The following LIMK2 variants were observed in gnomAD, a reference collection of about 807,000 sequenced individuals.
The protein encoded by LIMK2 is LIM domain kinase 2.
LIMK2 carries 35 observed loss-of-function variants against 75.7 expected under a neutral mutation model. That is an observed-to-expected ratio of 0.46 (90% CI 0.35 to 0.61). LIMK2 has a LOEUF of 0.61. Ranked by LOEUF, LIMK2 falls within the 20% of genes least tolerant of loss-of-function variation. The probability of loss-of-function intolerance (pLI) is 0.00; values close to 1 mark genes in which losing one functional copy is unlikely to be tolerated. For synonymous variants in LIMK2, 301 were observed against 319.2 expected (o/e 0.94, Z 0.61); for missense variants, 623 against 831.0 (o/e 0.75, Z 3.08).
chr22:31,261,375 G>A (rs1378483837), intron 5 of LIMK2, among the ~76,000 whole-genome samples: 1 of 152,076 alleles, frequency 6.6e-6, no homozygotes, highest in Non-Finnish European at 1.5e-5. Flanking sequence ...ATGAAACCCC[G>A]TCTCTACTAA....
chr22:31,246,183 GCACACACACACACACACA>G (rs57524309), intron 2 of LIMK2, among the ~76,000 whole-genome samples: 1 of 134,994 alleles, frequency 7.4e-6, no homozygotes, highest in Non-Finnish European at 1.6e-5. Context: ...ACGCACGCAC[GCACACACACACACACACA>G]CACACACACA....
At chr22:31,241,972 G>A (rs770843728) in intron 2 of LIMK2, among the ~76,000 whole-genome samples, 3 of 152,180 alleles carry the variant, frequency 2.0e-5, no homozygotes, top group Non-Finnish European at 4.4e-5. Flanking sequence ...AGTTTTCTGA[G>A]CTCAAATCCC....
At chr22:31,263,676 C>CA (rs34111805) in intron 7 of LIMK2, among the ~76,000 whole-genome samples, 18,041 of 144,082 alleles carry the variant, frequency 0.13, 1,502 homozygotes, top group East Asian at 0.38. Flanking sequence ...ACTGTCTCTA[C>CA]AAAAAAAAAA....
rs1307014890 is a variant in LIMK2, at chr22:31,267,071, G to T, written c.1128+1G>T. The T allele has an allele frequency of 1.9e-6, 3 of 1,587,428 alleles. No individual in the cohort carries two copies. The highest frequency in any genetic ancestry group is 2.6e-6 in the Non-Finnish European group (3 of 1,159,612). On this transcript the variant is annotated splice_donor_variant, in intron 9 of 15. Transcript: ENST00000331728. LOFTEE classifies it high-confidence loss of function. ...GACCCAGAAAACTTTTCTGACTGAGGTAAGAAGATGGAGGGGGCCCGGGAG... is the reference window on the plus strand; with the variant it reads ...GACCCAGAAAACTTTTCTGACTGAGTTAAGAAGATGGAGGGGGCCCGGGAG...
chr22:31,259,535 A>G (rs1325287165), intron 4 of LIMK2, among the ~76,000 whole-genome samples: 2 of 152,106 alleles, frequency 1.3e-5, no homozygotes, highest in Admixed American at 6.5e-5. Flanking sequence ...ACCCTGTCCA[A>G]CCACCTTGGT....
chr22:31,259,147 A>G lies in LIMK2; in HGVS notation c.279A>G (p.Pro93=), dbSNP rs1422776742. 6.2e-7 allele frequency: 1 copy of G among 1,613,538 alleles called. No homozygotes were observed. The highest frequency in any genetic ancestry group is 8.5e-7 in the Non-Finnish European group (1 of 1,179,572). The change falls in exon 4 of 16, where the codon CCA becomes CCG. Residue 93 remains proline (P), a synonymous_variant. Transcript: ENST00000331728. ...TGGCTGGGGAGTTCAAGTACCACCC[A>G]GAGTGCTTTGCCTGTATGAGCTGCA... The part of the protein sequence containing the change: ...FMVAGEFKYH[P]ECFACMSCKV...
intron 15 of LIMK2, among the ~76,000 whole-genome samples, chr22:31,278,003 C>T (rs116405031): frequency 1.3e-5 from 2 of 152,142 alleles, no homozygotes; most frequent in African/African-American, 2.4e-5. Flanking sequence ...CTGGTGTTTC[C>T]GATTCCACCT....
At chr22:31,272,955 TAA>T in intron 13 of LIMK2, 5 of 1,257,632 alleles carry the variant, frequency 4.0e-6, no homozygotes, top group Non-Finnish European at 5.0e-6. Context: ...CAGGGATCGC[TAA>T]GAGCTCAGGC....
rs375767669 is a variant in LIMK2 at position 31,262,425 on chromosome 22, G to A, written c.658-170G>A. On this transcript the variant is annotated intron_variant, in intron 6 of 15. Coordinates refer to ENST00000331728, the MANE Select transcript of LIMK2 (RefSeq NM_005569.4). The surrounding 1 kb of genome is among the most constrained non-coding windows in gnomAD (Gnocchi z 5.0). Reference sequence around the variant, plus strand: ...AGGGTAGCAGGGATGGTTGATGGACGGGAGAGCTGACAGGATGCCAGGCAG... The same window carrying A: ...AGGGTAGCAGGGATGGTTGATGGACAGGAGAGCTGACAGGATGCCAGGCAG... Among the ~76,000 whole-genome samples, 1 of 152,276 alleles carries A rather than the reference G, an allele frequency of 6.6e-6. No individual in the cohort carries two copies. Among genetic ancestry groups the A allele is most frequent in the East Asian group, 1.9e-4 (1 of 5,170 alleles).
In LIMK2 at chr22:31,275,156, T is replaced by C. The variant is rs1313152769; in HGVS notation, c.1620T>C (p.Ile540=). ...GCTGTCTTCTTACCCTACAGATCAT[T>C]GGGCAGGTGTATGCAGATCCTGACT... ...FSFGIVLCEI[I]GQVYADPDCL... The change falls in exon 15 of 16, where the codon ATT becomes ATC. Residue 540 remains isoleucine, a synonymous_variant. Transcript: ENST00000331728. 1 of 1,614,206 alleles carries C rather than the reference T, an allele frequency of 6.2e-7. No homozygotes were observed. The highest frequency in any genetic ancestry group is 8.5e-7 in the Non-Finnish European group (1 of 1,180,026).
intron 1 of LIMK2, among the ~76,000 whole-genome samples, chr22:31,212,965 T>C (rs2048360278): frequency 6.6e-6 from 1 of 151,522 alleles, no homozygotes; most frequent in Non-Finnish European, 1.5e-5. Flanking sequence ...TGTCTGGGAG[T>C]CCCCCGGGGC....
rs563656086 is a variant in LIMK2, at chr22:31,248,474, C to T, written c.117-9817C>T. ...TCGGAGTCCAGAGGGGCCGCCTGAG[C>T]TTCTGAGAACTAGGGAGGAGCCATC... On this transcript the variant is annotated intron_variant, in intron 2 of 15. Coordinates refer to ENST00000331728, the MANE Select transcript of LIMK2 (RefSeq NM_005569.4). 5.8e-4 allele frequency: 875 copies of T among 1,510,566 alleles called. 2 individuals carry two copies. The highest frequency in any genetic ancestry group is 7.3e-4 in the Non-Finnish European group (827 of 1,131,562). 93.6% of individuals were successfully genotyped at this position (1,510,566 alleles called of 1,614,324 possible).
Position 31,260,093 on chromosome 22 carries a change from A to C in LIMK2, c.551+16A>C. 2 of 1,539,346 alleles carry C rather than the reference A, an allele frequency of 1.3e-6. No homozygotes were observed. The highest frequency in any genetic ancestry group is 1.7e-6 in the Non-Finnish European group (2 of 1,145,384). On this transcript the variant is annotated intron_variant, in intron 5 of 15. Transcript: ENST00000331728. ...AAGTGAAAGAGTAAGTATTTTGAGA[A>C]CCCTTCAGCAGGGGTTCTTGAGCAG...
At chr22:31,265,427 A>C (rs1336442964) in intron 7 of LIMK2, among the ~76,000 whole-genome samples, 1 of 151,826 alleles carries the variant, frequency 6.6e-6, no homozygotes, top group East Asian at 1.9e-4. Context: ...AGTCCCAGTT[A>C]CTCAGGAGGC....
intron 2 of LIMK2, among the ~76,000 whole-genome samples, chr22:31,253,638 A>G (rs1309624864): frequency 6.6e-6 from 1 of 152,230 alleles, no homozygotes; most frequent in Non-Finnish European, 1.5e-5. Context: ...CACTCCGGTG[A>G]CATAGTACAG....
chr22:31,243,221 C>T (rs2283882), intron 2 of LIMK2, among the ~76,000 whole-genome samples: 6,770 of 152,138 alleles, frequency 0.044, 562 homozygotes, highest in East Asian at 0.37. Context: ...CATGCCTGCC[C>T]GGGACCCTTG....
intron 1 of LIMK2, among the ~76,000 whole-genome samples, chr22:31,215,501 CAG>C (rs2048382232): frequency 1.3e-5 from 2 of 151,880 alleles, no homozygotes; most frequent in Non-Finnish European, 2.9e-5. Context: ...AACTGAGGCT[CAG>C]GGAAAAAAAA....
intron 2 of LIMK2, among the ~76,000 whole-genome samples, chr22:31,249,272 A>G (rs931787563): frequency 5.3e-5 from 8 of 152,204 alleles, no homozygotes; most frequent in Non-Finnish European, 1.0e-4. Context: ...TCTTAATGGC[A>G]GGCACATTTG....
rs377766847 is a variant in LIMK2 at position 31,278,415 on chromosome 22, G to A, written c.1891G>A (p.Gly631Ser). ...GGACCACACTGTGAGCATGCAGTAC[G>A]GCCTGACCCGGGACTCACCTCCCTA... ...ELDHTVSMQY[G>S]LTRDSPP is the part of the protein sequence containing the mutation. Residue 631 changes from glycine to serine, a missense_variant, in exon 16 of 16, where the codon GGC (glycine) becomes AGC (serine). Gly to Ser is a moderately conservative substitution (Grantham distance 56, BLOSUM62 0). Coordinates refer to ENST00000331728, the MANE Select transcript of LIMK2 (RefSeq NM_005569.4). The A allele has an allele frequency of 6.1e-5, 99 of 1,612,808 alleles. No individual in the cohort carries two copies. Among genetic ancestry groups the A allele is most frequent in the Non-Finnish European group, 8.0e-5 (94 of 1,179,560 alleles).
Sources: gnomAD v4.1 joint callset for allele counts (sites outside exome capture counted in the v4.1 genomes callset) on GRCh38, gnomAD v4.1.1 for gene constraint, Gnocchi (gnomAD v3.1) non-coding constraint, MANE v1.5 for transcripts, NCBI Gene and HGNC (gene_info 2026-07-23, HGNC 2026-07-21) for gene names.